LMBRD1: variants seen among roughly 807,000 people sequenced by gnomAD.
LMBRD1 encodes the protein LMBR1 domain containing 1, also known as lysosomal cobalamin transport escort protein LMBD1.
Under a neutral mutation model 74.8 loss-of-function variants are expected in LMBRD1, and 64 were observed. The ratio of observed to expected loss-of-function variants is 0.86; its 90% CI spans 0.70 to 1.05. The LOEUF (loss-of-function observed/expected upper bound fraction) is 1.05. Among genes scored for constraint, LMBRD1 ranks in the 50% least tolerant of loss-of-function variants. LMBRD1 has a pLI of 0.00. For missense variants in LMBRD1, 652 were observed against 645.9 expected (o/e 1.01, Z -0.10); for synonymous variants, 204 against 216.3 (o/e 0.94, Z 0.50).
chr6:69,776,557 T>A (rs1448450378), intron 3 of LMBRD1, among the ~76,000 whole-genome samples: 1 of 152,242 alleles, frequency 6.6e-6, no homozygotes, highest in Non-Finnish European at 1.5e-5. Flanking sequence ...ATCACATGAT[T>A]TGTTAACAGA....
rs113860174 is a variant in LMBRD1 at position 69,696,983 on chromosome 6, A to G, written c.1417+580T>C. Among the ~76,000 whole-genome samples the G allele has an allele frequency of 1.1e-3, 165 of 152,066 alleles. 1 individual carries two copies. Among genetic ancestry groups the G allele is most frequent in the African/African-American group, 3.8e-3 (157 of 41,534 alleles). Reference sequence around the variant, plus strand: ...ATCAGAAATCCTTAATAAGAATACTATAACATTCAAAGAAAAAAAAATCAC... The same window carrying G: ...ATCAGAAATCCTTAATAAGAATACTGTAACATTCAAAGAAAAAAAAATCAC... On this transcript the variant is annotated intron_variant, in intron 14 of 15. Transcript: ENST00000649934.
chr6:69,683,833 A>G (rs1765710766), intron 14 of LMBRD1, among the ~76,000 whole-genome samples: 1 of 152,134 alleles, frequency 6.6e-6, no homozygotes, highest in African/African-American at 2.4e-5. Context: ...AGAGGTTCCA[A>G]CAATAATCCA....
At chr6:69,790,799 G>A (rs1459725909) in intron 1 of LMBRD1, 1 of 346,598 alleles carries the variant, frequency 2.9e-6, no homozygotes, top group East Asian at 7.2e-5. Context: ...TTTCCCTGTA[G>A]ATTTTTCCAA....
Position 69,675,059 on chromosome 6 carries a change from A to G in LMBRD1, c.*1099T>C, listed in dbSNP as rs907109383. Among the ~76,000 whole-genome samples, 1 of 152,230 alleles carries G rather than the reference A, an allele frequency of 6.6e-6. No individual in the cohort carries two copies. The highest frequency in any genetic ancestry group is 1.5e-5 in the Non-Finnish European group (1 of 68,040). ...AATGCTAAAGGGTAGTTGCAGAAGC[A>G]GAAGCCAAATACGAAAGCTGTGAAG... On this transcript the variant is annotated 3_prime_UTR_variant, in exon 16 of 16. Transcript: ENST00000649934.
chr6:69,692,062 T>C (rs1765896551), intron 14 of LMBRD1, among the ~76,000 whole-genome samples: 1 of 152,170 alleles, frequency 6.6e-6, no homozygotes, highest in Non-Finnish European at 1.5e-5. Context: ...ACAATAATTC[T>C]CATTTTCCCC....
intron 9 of LMBRD1, among the ~76,000 whole-genome samples, chr6:69,710,916 A>T (rs1420946218): frequency 6.6e-6 from 1 of 152,176 alleles, no homozygotes; most frequent in East Asian, 1.9e-4. Flanking sequence ...TCTTATAAAC[A>T]TATTAAACGT....
intron 14 of LMBRD1, among the ~76,000 whole-genome samples, chr6:69,694,125 A>G (rs1046795784): frequency 1.3e-5 from 2 of 152,142 alleles, no homozygotes; most frequent in African/African-American, 4.8e-5. Flanking sequence ...AGTCAAGTGT[A>G]TTATTTGATT....
chr6:69,794,848 T>C (rs890568975), intron 1 of LMBRD1, among the ~76,000 whole-genome samples: 6 of 152,222 alleles, frequency 3.9e-5, no homozygotes, highest in African/African-American at 1.4e-4. Context: ...CATGGCATCA[T>C]GTTATAAAAC....
At chr6:69,744,504 C>G (rs1767175761) in intron 5 of LMBRD1, among the ~76,000 whole-genome samples, 1 of 152,114 alleles carries the variant, frequency 6.6e-6, no homozygotes, top group East Asian at 1.9e-4. Context: ...TATTTCCTAC[C>G]CAATCTGATT....
chr6:69,741,441 C>T (rs1767098448), intron 6 of LMBRD1, among the ~76,000 whole-genome samples: 1 of 113,362 alleles, frequency 8.8e-6, no homozygotes, highest in South Asian at 2.9e-4. Flanking sequence ...GGCTGGAATG[C>T]AATGGCGCAA....
At chr6:69,759,277 C>T (rs545837895) in intron 3 of LMBRD1, among the ~76,000 whole-genome samples, 3 of 152,010 alleles carry the variant, frequency 2.0e-5, no homozygotes, top group Non-Finnish European at 4.4e-5. Flanking sequence ...GCTCACTGGT[C>T]CCTGGCATTC....
chr6:69,687,614 C>T (rs991394729), intron 14 of LMBRD1, among the ~76,000 whole-genome samples: 2 of 151,988 alleles, frequency 1.3e-5, no homozygotes, highest in African/African-American at 4.8e-5. Flanking sequence ...TGTGCTTCTC[C>T]GTATTACTAA....
At chr6:69,703,540 C>T (rs141352867) in intron 9 of LMBRD1, among the ~76,000 whole-genome samples, 1 of 150,496 alleles carries the variant, frequency 6.6e-6, no homozygotes, top group East Asian at 1.9e-4. Flanking sequence ...CAGAGTTAGA[C>T]TGCTTAATCA....
At chr6:69,707,507 AG>A (rs1213417512) in intron 9 of LMBRD1, among the ~76,000 whole-genome samples, 2 of 152,178 alleles carry the variant, frequency 1.3e-5, no homozygotes, top group African/African-American at 4.8e-5. Flanking sequence ...TTTGTCTAAT[AG>A]GATCATTGTT....
At chr6:69,688,835 A>G (rs1304324951) in intron 14 of LMBRD1, among the ~76,000 whole-genome samples, 1 of 152,108 alleles carries the variant, frequency 6.6e-6, no homozygotes, top group Non-Finnish European at 1.5e-5. Context: ...AAAATGAGGT[A>G]ATATATATAC....
chr6:69,697,524 T>C, intron 14 of LMBRD1, 39 bp downstream of exon 14: 1 of 1,331,492 alleles, frequency 7.5e-7, no homozygotes, highest in Non-Finnish European at 1.1e-6. Flanking sequence ...GAAATTCTTT[T>C]CCTAAAAAGT....
intron 3 of LMBRD1, among the ~76,000 whole-genome samples, chr6:69,764,013 T>C (rs758075553): frequency 1.3e-5 from 2 of 151,730 alleles, no homozygotes; most frequent in Non-Finnish European, 2.9e-5. Flanking sequence ...TTAGAAAATA[T>C]TTAGACGAGA....
In LMBRD1 at chr6:69,675,800, C is replaced by A; in HGVS notation, c.*358G>T. On this transcript the variant is annotated 3_prime_UTR_variant, in exon 16 of 16. Transcript: ENST00000649934. ...TAAAATTCCACATCACTCTGGAGAA[C>A]CTAAGGCACAGATACAGATGATTTA... The A allele has an allele frequency of 4.0e-6, 1 of 249,502 alleles. No homozygotes were observed. Among genetic ancestry groups the A allele is most frequent in the Non-Finnish European group, 7.9e-6 (1 of 127,164 alleles). 15.5% of individuals were successfully genotyped at this position (249,502 alleles called of 1,614,324 possible).
chr6:69,766,615 G>T lies in LMBRD1; in HGVS notation c.307+13879C>A, dbSNP rs12527446. Among the ~76,000 whole-genome samples the T allele has an allele frequency of 4.8e-3, 724 of 151,786 alleles. 8 individuals are homozygous for T. Among genetic ancestry groups the T allele is most frequent in the Middle Eastern group, 0.017 (5 of 294 alleles). ...TATTAGTCCACAGTTTCCCTTTCTT[G>T]TGATGTCTTAATATGATTTTGGTAT... On this transcript the variant is annotated intron_variant, in intron 3 of 15. Coordinates refer to ENST00000649934, the MANE Select transcript of LMBRD1 (RefSeq NM_018368.4).
Sources: allele counts gnomAD v4.1 joint callset (sites outside exome capture counted in the v4.1 genomes callset), GRCh38; gene constraint gnomAD v4.1.1; transcripts MANE v1.5; gene names NCBI Gene and HGNC (gene_info 2026-07-23, HGNC 2026-07-21).